Variants in SLC18A2 observed in about 807,000 individuals in gnomAD.
SLC18A2 encodes the protein solute carrier family 18 member A2.
A neutral mutation model predicts 59.2 loss-of-function variants in SLC18A2; 33 were observed. That is an observed-to-expected ratio of 0.56 (90% CI 0.42 to 0.75). The LOEUF is 0.75. SLC18A2 is among the 30% of genes least tolerant of loss of function. The pLI is 0.00. For synonymous variants in SLC18A2, 228 were observed against 253.5 expected (o/e 0.90, Z 0.95); for missense variants, 569 against 668.6 (o/e 0.85, Z 1.64).
At chr10:117,270,492 T>G in intron 15 of SLC18A2, 29 bp downstream of exon 15, 1 of 1,609,896 alleles carries the variant, frequency 6.2e-7, no homozygotes, top group Non-Finnish European at 8.5e-7. Context: ...GCAGTGAGCA[T>G]TTCTTGATAA....
chr10:117,274,647 AG>A (rs1473054040), intron 15 of SLC18A2, among the ~76,000 whole-genome samples: 5 of 152,110 alleles, frequency 3.3e-5, no homozygotes, highest in Admixed American at 3.3e-4. Flanking sequence ...TGGCTTACTT[AG>A]TGTCCTGCTT....
rs375818049 is a variant in SLC18A2, at chr10:117,263,345, G to C, written c.992-3388G>C. On this transcript the variant is annotated intron_variant, in intron 10 of 15. Coordinates refer to ENST00000644641, the MANE Select transcript of SLC18A2 (RefSeq NM_003054.6). ...GTGTTCAGGAATCTTCTCTGAGCTCGCTCCAGTCCAGGGTGAAAGGGAGGC... is the reference window on the plus strand; with the variant it reads ...GTGTTCAGGAATCTTCTCTGAGCTCCCTCCAGTCCAGGGTGAAAGGGAGGC... 1.1e-4 allele frequency among the ~76,000 whole-genome samples: 16 copies of C among 152,186 alleles called. No individual in the cohort carries two copies. The East Asian group carries it at 1.2e-3, about 11-fold the overall frequency.
At chr10:117,248,032 C>T (rs1844126901) in intron 3 of SLC18A2, among the ~76,000 whole-genome samples, 1 of 152,140 alleles carries the variant, frequency 6.6e-6, no homozygotes, top group South Asian at 2.1e-4. Context: ...TGCAGTGGGG[C>T]TATCTCGGCT....
intron 10 of SLC18A2, among the ~76,000 whole-genome samples, chr10:117,259,843 G>A (rs1844274486): frequency 1.3e-5 from 2 of 152,172 alleles, no homozygotes; most frequent in Admixed American, 6.5e-5. Context: ...TGCTTAATCA[G>A]CCCTTTCACT....
intron 3 of SLC18A2, 56 bp downstream of exon 3, chr10:117,244,369 G>A: frequency 7.0e-7 from 1 of 1,437,668 alleles, no homozygotes. Flanking sequence ...CCTAGCTTAT[G>A]TCCTTCCTGG....
rs1319514994 is a variant in SLC18A2, at chr10:117,253,420, A to G, written c.486A>G (p.Ile162Met). The G allele has an allele frequency of 1.2e-6, 2 of 1,613,704 alleles. No homozygotes were observed. The highest frequency in any genetic ancestry group is 1.7e-5 in the Admixed American group (1 of 60,004). The part of the protein sequence containing the change: ...LTNRIGYPIP[I>M]FAGFCIMFVS... ...GCAGAATTGGCTATCCAATTCCCAT[A>G]TTTGCGGGATTCTGCATCATGTTTG... is the stretch of plus-strand genomic sequence containing the variant. The change falls in exon 4 of 16, where the codon ATA becomes ATG. Residue 162 changes from isoleucine to methionine, a missense_variant. Around this residue, in one of 2 missense-constraint regions of SLC18A2, gnomAD observed 377 missense variants for 389.8 expected, o/e 0.97. Transcript: ENST00000644641.
chr10:117,269,048 AC>A lies in SLC18A2; in HGVS notation c.1187-1017del, dbSNP rs146198632. Among the ~76,000 whole-genome samples the A allele has an allele frequency of 8.6e-5, 13 of 151,722 alleles. No individual in the cohort carries two copies. The highest frequency in any genetic ancestry group is 1.9e-4 in the East Asian group (1 of 5,144). On this transcript the variant is annotated intron_variant, in intron 13 of 15. Transcript: ENST00000644641. The surrounding 1 kb of genome is among the most constrained non-coding windows in gnomAD (Gnocchi z 5.1). ...CATACACACACACATACACACATAC[AC>A]CCCCCACATAAACACATACACATAC...
intron 3 of SLC18A2, among the ~76,000 whole-genome samples, chr10:117,246,861 C>G (rs1283100124): frequency 6.6e-6 from 1 of 152,062 alleles, no homozygotes; most frequent in Admixed American, 6.6e-5. Context: ...ACCATGTTGG[C>G]CAAGCTGGTG....
intron 9 of SLC18A2, 36 bp downstream of exon 9, chr10:117,255,693 C>A: frequency 1.3e-6 from 2 of 1,597,838 alleles, no homozygotes; most frequent in Non-Finnish European, 8.5e-7. Flanking sequence ...CAGGGGAATG[C>A]GAGGTGATGG....
chr10:117,244,738 G>T (rs755640014), intron 3 of SLC18A2, among the ~76,000 whole-genome samples: 4 of 152,204 alleles, frequency 2.6e-5, no homozygotes, highest in Non-Finnish European at 5.9e-5. Flanking sequence ...GAGAGCCAAG[G>T]TGTCTTCTTT....
intron 6 of SLC18A2, among the ~76,000 whole-genome samples, chr10:117,254,826 C>T (rs1184023512): frequency 6.6e-6 from 1 of 152,188 alleles, no homozygotes; most frequent in African/African-American, 2.4e-5. Context: ...CTTTCTGGGT[C>T]TGCCTCCCCC....
Position 117,241,739 on chromosome 10 carries a change from C to G in SLC18A2, c.46C>G (p.Arg16Gly). The G allele has an allele frequency of 1.2e-6, 2 of 1,609,336 alleles. No homozygotes were observed. The highest frequency in any genetic ancestry group is 1.7e-6 in the Non-Finnish European group (2 of 1,178,612). Reference sequence around the variant, plus strand: ...GCTGGTCCGCTGGCTGCAGGAGAGCCGCCGCTCGCGGAAGCTCATCCTGTT... The same window carrying G: ...GCTGGTCCGCTGGCTGCAGGAGAGCGGCCGCTCGCGGAAGCTCATCCTGTT... ...LALVRWLQESRRSRKLILFIV... is the reference protein window; with the variant it reads ...LALVRWLQESGRSRKLILFIV... Residue 16 changes from arginine to glycine, a missense_variant, in exon 2 of 16, where the codon CGC becomes GGC. Arg to Gly is a moderately radical substitution (Grantham distance 125, BLOSUM62 -2). This residue lies in a region of SLC18A2 where 377 missense variants were observed against 389.8 expected (regional missense o/e 0.97). Coordinates refer to ENST00000644641, the MANE Select transcript of SLC18A2 (RefSeq NM_003054.6).
chr10:117,252,645 T>G (rs1185148863), intron 3 of SLC18A2, among the ~76,000 whole-genome samples: 4 of 152,182 alleles, frequency 2.6e-5, no homozygotes, highest in Non-Finnish European at 5.9e-5. Flanking sequence ...CTTAGGCACC[T>G]TCTATGCTCT....
At position 117,269,054 on chromosome 10, in the gene SLC18A2, C is replaced by T. The variant is rs1335253185; in HGVS notation, c.1187-1017C>T. 1.3e-5 allele frequency among the ~76,000 whole-genome samples: 2 copies of T among 150,890 alleles called. No homozygotes were observed. Among genetic ancestry groups the T allele is most frequent in the East Asian group, 2.0e-4 (1 of 5,122 alleles). On this transcript the variant is annotated intron_variant, in intron 13 of 15. Coordinates refer to ENST00000644641, the MANE Select transcript of SLC18A2 (RefSeq NM_003054.6). The surrounding 1 kb of genome is among the most constrained non-coding windows in gnomAD (Gnocchi z 5.1). The stretch of plus-strand genomic sequence containing the variant: ...CACACACATACACACATACACCCCC[C>T]ACATAAACACATACACATACACAAA...
intron 2 of SLC18A2, among the ~76,000 whole-genome samples, chr10:117,243,111 C>T (rs1844073402): frequency 6.6e-6 from 1 of 150,714 alleles, no homozygotes; most frequent in Non-Finnish European, 1.5e-5. Flanking sequence ...TACAGATTCC[C>T]ACTCATAATA....
chr10:117,252,546 C>T (rs1823633094), intron 3 of SLC18A2, among the ~76,000 whole-genome samples: 1 of 152,110 alleles, frequency 6.6e-6, no homozygotes, highest in African/African-American at 2.4e-5. Context: ...CCCTCATGCC[C>T]CACCCACAGA....
chr10:117,247,653 G>T (rs898250512), intron 3 of SLC18A2, among the ~76,000 whole-genome samples: 6 of 152,204 alleles, frequency 3.9e-5, no homozygotes, highest in African/African-American at 1.4e-4. Context: ...AATGAGCAGA[G>T]AGTTTAGAAA....
chr10:117,264,821 A>G (rs1022211087), intron 10 of SLC18A2, among the ~76,000 whole-genome samples: 5 of 152,178 alleles, frequency 3.3e-5, no homozygotes, highest in Admixed American at 3.3e-4. Flanking sequence ...AGCTGGTAGG[A>G]AGTCCTACGA....
intron 10 of SLC18A2, among the ~76,000 whole-genome samples, chr10:117,259,082 G>A (rs1844261317): frequency 6.6e-6 from 1 of 152,176 alleles, no homozygotes; most frequent in South Asian, 2.1e-4. Flanking sequence ...TGTCCTCCCT[G>A]AATAATTGCA....
Sources: allele counts gnomAD v4.1 joint callset (sites outside exome capture counted in the v4.1 genomes callset), GRCh38; gene constraint gnomAD v4.1.1; regional missense constraint gnomAD v4.1.1; non-coding constraint Gnocchi (gnomAD v3.1); transcripts MANE v1.5; gene names NCBI Gene and HGNC (gene_info 2026-07-23, HGNC 2026-07-21).